SI: variants seen among roughly 807,000 people sequenced by gnomAD.
SI encodes the protein sucrase-isomaltase, intestinal.
Under a neutral mutation model 253.3 loss-of-function variants are expected in SI, and 235 were observed. The observed-to-expected ratio is 0.93, with a 90% CI of 0.83 to 1.03. The LOEUF (loss-of-function observed/expected upper bound fraction) is 1.03, where lower values mean the gene tolerates loss of function less well. Among genes scored for constraint, SI ranks in the 50% least tolerant of loss-of-function variants. The pLI, the probability that SI is intolerant of heterozygous loss-of-function variation, is 0.00. For missense variants in SI, 2,442 were observed against 2,211.1 expected (o/e 1.10, Z -2.09); for synonymous variants, 819 against 712.0 (o/e 1.15, Z -2.39).
intron 38 of SI, 27 bp from the exon 39 acceptor site, chr3:164,996,799 GA>G: frequency 1.1e-6 from 1 of 939,360 alleles, no homozygotes. Flanking sequence ...AAATATCTTA[GA>G]AAGTTATTAT....
At chr3:164,996,901 A>G in intron 38 of SI, 129 bp from the exon 39 acceptor site, 1 of 502,394 alleles carries the variant, frequency 2.0e-6, no homozygotes, top group Non-Finnish European at 3.3e-6. Context: ...TTTTCAGATT[A>G]TTAATATAAT....
At chr3:165,048,584 T>TATATATAG (rs779292188) in intron 15 of SI, among the ~76,000 whole-genome samples, 53 of 125,262 alleles carry the variant, frequency 4.2e-4, no homozygotes, top group Non-Finnish European at 6.6e-4. Context: ...TATATATATA[T>TATATATAG]AGAGAGAGAG....
intron 16 of SI, among the ~76,000 whole-genome samples, chr3:165,045,681 T>C (rs756423311): frequency 4.6e-5 from 7 of 151,922 alleles, no homozygotes; most frequent in Non-Finnish European, 8.8e-5. Flanking sequence ...CGTTTCTTTC[T>C]TTTTAAGTAT....
intron 9 of SI, among the ~76,000 whole-genome samples, chr3:165,061,269 T>C (rs2108252033): frequency 6.6e-6 from 1 of 152,096 alleles, no homozygotes; most frequent in South Asian, 2.1e-4. Flanking sequence ...GGGAGATAGC[T>C]ATGCCAACTT....
At chr3:165,007,730 T>C (rs1407517408) in intron 36 of SI, among the ~76,000 whole-genome samples, 181 bp downstream of exon 36, 2 of 150,662 alleles carry the variant, frequency 1.3e-5, no homozygotes, top group Admixed American at 6.7e-5. Context: ...GTAGTGAAAA[T>C]TGGGTGTGTG....
chr3:164,980,325 C>T (rs1466728387), intron 47 of SI, among the ~76,000 whole-genome samples: 2 of 151,598 alleles, frequency 1.3e-5, no homozygotes, highest in African/African-American at 2.4e-5. Context: ...AAAACTTAAA[C>T]TATTTTTTTA....
chr3:165,055,665 A>G (rs1198743082), intron 12 of SI, among the ~76,000 whole-genome samples: 1 of 152,086 alleles, frequency 6.6e-6, no homozygotes, highest in African/African-American at 2.4e-5. Context: ...AAAGCACATT[A>G]GCTTATTTCC....
intron 44 of SI, 67 bp from the exon 45 acceptor site, chr3:164,987,293 C>T (rs951104332): frequency 2.7e-5 from 35 of 1,296,246 alleles, no homozygotes; most frequent in Non-Finnish European, 3.4e-5. Context: ...TATGATATGA[C>T]ATCCACATAA....
chr3:165,033,317 C>CA, intron 23 of SI, 78 bp downstream of exon 23: 4 of 1,313,132 alleles, frequency 3.0e-6, no homozygotes, highest in South Asian at 2.1e-5. Context: ...ACATCTTTTC[C>CA]AAAAAATTTA....
intron 27 of SI, 90 bp downstream of exon 27, chr3:165,021,139 C>T (rs1711588660): frequency 4.3e-6 from 5 of 1,162,042 alleles, no homozygotes; most frequent in Non-Finnish European, 6.4e-6. Context: ...TGATGCTACT[C>T]TAGGACAGTG....
rs9917722 is a variant in SI at position 164,982,253 on chromosome 3, G to A, written c.5405C>T (p.Thr1802Ile). 7 of 1,611,908 alleles carry A rather than the reference G, an allele frequency of 4.3e-6. No individual in the cohort carries two copies. The South Asian group carries it at 6.6e-5, about 15-fold the overall frequency. The change falls in exon 47 of 48, where the codon ACT (threonine) becomes ATT (isoleucine). Residue 1802 changes from threonine (T) to isoleucine (I), a missense_variant. Physicochemically the swap from Thr to Ile is moderately conservative, Grantham distance 89 (BLOSUM62 -1). Transcript: ENST00000264382. ...TCTTACATTACTTACCATGTTGGTA[G>A]TGTCTTCATTAAAAGGAAGCGAATT... The part of the protein sequence containing the change: ...NKNSLPFNED[T>I]TNMILRIDLT...
Position 164,994,382 on chromosome 3 carries a change from A to G in SI, c.4716T>C (p.Asn1572=). ...TCCTTGACATTTCAGCAAAAGTTTC[A>G]TTCCAGGAAGCGGGATCTTGTCTCT... The part of the protein sequence containing the change: ...NTRRQDPASW[N]ETFAEMSRNI... Residue 1572 remains asparagine (N), a synonymous_variant, in exon 41 of 48, where the codon AAT becomes AAC. Coordinates refer to ENST00000264382, the MANE Select transcript of SI (RefSeq NM_001041.4). 1 of 1,611,082 alleles carries G rather than the reference A, an allele frequency of 6.2e-7. No homozygotes were observed.
chr3:165,080,566 G>A (rs1215069899), upstream of SI, among the ~76,000 whole-genome samples: 1 of 152,008 alleles, frequency 6.6e-6, no homozygotes, highest in Non-Finnish European at 1.5e-5. Context: ...GGAATACTAT[G>A]CAGCCATAAA....
At chr3:165,086,367 A>T in the SI span, among the ~76,000 whole-genome samples, 1 of 152,210 alleles carries the variant, frequency 6.6e-6, no homozygotes, top group Non-Finnish European at 1.5e-5. Context: ...GAAACATCTA[A>T]TGCTGTGCTT....
intron 43 of SI, among the ~76,000 whole-genome samples, chr3:164,991,865 TAGAA>T (rs1047918035): frequency 1.3e-4 from 20 of 152,212 alleles, no homozygotes; most frequent in Admixed American, 1.3e-3. Context: ...ACATTATTCT[TAGAA>T]AGACTGCACT....
chr3:165,049,693 C>T (rs867580523), intron 14 of SI, 98 bp downstream of exon 14: 11 of 735,170 alleles, frequency 1.5e-5, no homozygotes, highest in Admixed American at 4.2e-5. Flanking sequence ...TAGAACTATA[C>T]CAAAAATTGT....
chr3:165,035,070 A>C (rs1274270876), intron 22 of SI, among the ~76,000 whole-genome samples: 5 of 151,974 alleles, frequency 3.3e-5, no homozygotes, highest in Non-Finnish European at 5.9e-5. Flanking sequence ...CAATGAAGTT[A>C]CCATCAACTG....
At chr3:165,081,840 T>TA (rs1366952600), upstream of SI, among the ~76,000 whole-genome samples, 2 of 151,758 alleles carry the variant, frequency 1.3e-5, no homozygotes, top group Non-Finnish European at 2.9e-5. Flanking sequence ...GCCTGGGTCA[T>TA]AAAAAATACT....
chr3:165,019,631 C>A lies in SI; in HGVS notation c.3394G>T (p.Gly1132Ter), dbSNP rs190796723. ...GGGGGTTGGTCTCTTGTGAACATTC[C>A]CCAAGTATTCCAGTTCAGATCTCGC... is the stretch of plus-strand genomic sequence containing the variant. ...FKRDLNWNTWGMFTRDQPPGY... is the reference protein window; with the variant it reads ...FKRDLNWNTW Residue 1132 changes from glycine (G) to a stop codon, truncating the protein, a stop_gained, in exon 28 of 48, where the codon GGA becomes TGA. Coordinates refer to ENST00000264382, the MANE Select transcript of SI (RefSeq NM_001041.4). LOFTEE classifies it high-confidence loss of function. 1 of 1,612,292 alleles carries A rather than the reference C, an allele frequency of 6.2e-7. No individual in the cohort carries two copies. Among genetic ancestry groups the A allele is most frequent in the South Asian group, 1.1e-5 (1 of 91,068 alleles).
Sources: gnomAD v4.1 joint callset for allele counts (sites outside exome capture counted in the v4.1 genomes callset) on GRCh38, gnomAD v4.1.1 for gene constraint, MANE v1.5 for transcripts, NCBI Gene and HGNC (gene_info 2026-07-23, HGNC 2026-07-21) for gene names.